FGD6: variants seen among roughly 807,000 people sequenced by gnomAD.
FGD6 encodes the protein FYVE, RhoGEF and PH domain containing 6, also known as FYVE, RhoGEF and PH domain-containing protein 6.
In FGD6, 90 loss-of-function variants were observed where a neutral mutation model predicts 149.4. The ratio of observed to expected loss-of-function variants is 0.60; its 90% CI spans 0.51 to 0.72. FGD6 has a LOEUF of 0.72. Ranked by LOEUF, FGD6 falls within the 30% of genes least tolerant of loss-of-function variation. The probability of loss-of-function intolerance (pLI) is 0.00; values close to 1 mark genes in which losing one functional copy is unlikely to be tolerated. For synonymous variants in FGD6, 527 were observed against 584.0 expected (o/e 0.90, Z 1.41); for missense variants, 1,437 against 1,684.8 (o/e 0.85, Z 2.57).
rs954055454 is a variant in FGD6, at chr12:95,113,301, C to T, written c.3133+350G>A. The stretch of plus-strand genomic sequence containing the variant: ...AGGCTGGAGTGCAGTGGCGCTATCT[C>T]GGCTCACTGCAACCTCCGCCTTCCG... On this transcript the variant is annotated intron_variant, in intron 9 of 20. Transcript: ENST00000343958. Among the ~76,000 whole-genome samples, 7 of 147,174 alleles carry T rather than the reference C, an allele frequency of 4.8e-5. No homozygotes were observed. The East Asian group carries it at 5.9e-4, about 13-fold the overall frequency.
rs747470623 is a variant in FGD6, at chr12:95,127,593, G to A, written c.3082+7146C>T. On this transcript the variant is annotated intron_variant, in intron 8 of 20. Transcript: ENST00000343958. Reference sequence around the variant, plus strand: ...TTTAATTGTGATCTTTTTTATATGCGCTTGTTAGCCTGTACATAGCTCAAA... The same window carrying A: ...TTTAATTGTGATCTTTTTTATATGCACTTGTTAGCCTGTACATAGCTCAAA... Among the ~76,000 whole-genome samples, 48 of 152,168 alleles carry A rather than the reference G, an allele frequency of 3.2e-4. 1 individual carries two copies. The highest frequency in any genetic ancestry group is 5.3e-4 in the Non-Finnish European group (36 of 68,006).
chr12:95,213,511 T>C (rs1414892278), intron 1 of FGD6, among the ~76,000 whole-genome samples: 2 of 152,250 alleles, frequency 1.3e-5, no homozygotes, highest in African/African-American at 4.8e-5. Flanking sequence ...CACTTAAAAA[T>C]GAGTAAGACG....
intron 3 of FGD6, among the ~76,000 whole-genome samples, chr12:95,165,483 A>C (rs1880782302): frequency 6.6e-6 from 1 of 151,384 alleles, no homozygotes; most frequent in African/African-American, 2.4e-5. Context: ...ACAGGCATGC[A>C]CCACCACGCC....
chr12:95,144,652 A>C (rs886165183), intron 5 of FGD6, among the ~76,000 whole-genome samples: 3 of 151,768 alleles, frequency 2.0e-5, no homozygotes, highest in Admixed American at 1.3e-4. Context: ...TCGGCCTCCC[A>C]AAGTGCTGGG....
intron 9 of FGD6, among the ~76,000 whole-genome samples, chr12:95,111,408 A>T (rs1049517724): frequency 1.3e-5 from 2 of 152,088 alleles, no homozygotes; most frequent in Non-Finnish European, 2.9e-5. Context: ...TCTGACCCTG[A>T]ATTTGTTTTA....
chr12:95,173,336 C>T (rs1435442252), intron 2 of FGD6, among the ~76,000 whole-genome samples: 1 of 152,180 alleles, frequency 6.6e-6, no homozygotes, highest in African/African-American at 2.4e-5. Flanking sequence ...TGCATTAGAA[C>T]TACGAGGGGC....
rs904537742 is a variant in FGD6, at chr12:95,152,698, T to C, written c.2685+113A>G. The stretch of plus-strand genomic sequence containing the variant: ...ATGTTATCTACATATATGAAATACA[T>C]ACATTTTAGAAAATGTCTATCATTA... On this transcript the variant is annotated intron_variant, in intron 5 of 20. Coordinates refer to ENST00000343958, the MANE Select transcript of FGD6 (RefSeq NM_018351.4). 8 of 921,962 alleles carry C rather than the reference T, an allele frequency of 8.7e-6. No homozygotes were observed. The South Asian group carries it at 9.7e-5, about 11-fold the overall frequency. The allele number at this position is 921,962 out of a possible 1,614,324, so 57.1% of individuals were successfully genotyped here.
At chr12:95,156,293 T>C (rs946813527) in intron 3 of FGD6, among the ~76,000 whole-genome samples, 1 of 152,194 alleles carries the variant, frequency 6.6e-6, no homozygotes, top group Admixed American at 6.5e-5. Context: ...GAATTCTTTT[T>C]CTCAGCAAGG....
intron 9 of FGD6, among the ~76,000 whole-genome samples, chr12:95,109,509 G>A (rs1878741800): frequency 6.6e-6 from 1 of 152,050 alleles, no homozygotes; most frequent in South Asian, 2.1e-4. Context: ...GTTAGAGAGG[G>A]AAGCATCTCC....
rs1296571005 is a variant in FGD6 at position 95,084,664 on chromosome 12, A to C, written c.4108-18T>G. 6.4e-7 allele frequency: 1 copy of C among 1,552,532 alleles called. No individual in the cohort carries two copies. Among genetic ancestry groups the C allele is most frequent in the Non-Finnish European group, 8.6e-7 (1 of 1,158,480 alleles). On this transcript the variant is annotated intron_variant, in intron 19 of 20. Coordinates refer to ENST00000343958, the MANE Select transcript of FGD6 (RefSeq NM_018351.4). ...GCCACGTCCTAATTTAAAAACATAC[A>C]AATGGAGAAAAGTTTTTAGATTGAG...
intron 2 of FGD6, among the ~76,000 whole-genome samples, chr12:95,179,934 C>T (rs1881232201): frequency 2.0e-5 from 3 of 151,966 alleles, no homozygotes; most frequent in African/African-American, 7.3e-5. Context: ...CAAAATTAGC[C>T]AGGCGTGGTG....
chr12:95,171,143 A>G (rs956777539), intron 3 of FGD6, among the ~76,000 whole-genome samples: 1 of 152,152 alleles, frequency 6.6e-6, no homozygotes, highest in African/African-American at 2.4e-5. Context: ...TTAGTCCCAA[A>G]AGGTTAAATA....
chr12:95,106,129 G>A (rs1030691381), intron 13 of FGD6, among the ~76,000 whole-genome samples: 1 of 151,846 alleles, frequency 6.6e-6, no homozygotes, highest in East Asian at 1.9e-4. Context: ...ATTTGTTGTT[G>A]TTATTATTTT....
chr12:95,149,462 T>C (rs1880227046), intron 5 of FGD6, among the ~76,000 whole-genome samples: 2 of 133,150 alleles, frequency 1.5e-5, no homozygotes, highest in South Asian at 4.3e-4. Context: ...TAGTATATTA[T>C]ACATCACATA....
intron 17 of FGD6, among the ~76,000 whole-genome samples, chr12:95,090,305 G>A (rs1488798107): frequency 6.6e-6 from 1 of 152,088 alleles, no homozygotes; most frequent in East Asian, 1.9e-4. Context: ...TTAAAAAAAA[G>A]GGGCTGGTTT....
At chr12:95,175,776 G>A (rs1442392308) in intron 2 of FGD6, among the ~76,000 whole-genome samples, 3 of 147,160 alleles carry the variant, frequency 2.0e-5, no homozygotes, top group African/African-American at 5.1e-5. Flanking sequence ...CTCCAGCCTG[G>A]GTAACAGAGT....
intron 5 of FGD6, among the ~76,000 whole-genome samples, chr12:95,144,683 C>T (rs1282566079): frequency 3.3e-5 from 5 of 151,578 alleles, no homozygotes; most frequent in Non-Finnish European, 5.9e-5. Context: ...TGAGCCACGG[C>T]GCCCAGCTTA....
At chr12:95,127,898 A>G (rs1879394968) in intron 8 of FGD6, among the ~76,000 whole-genome samples, 1 of 152,212 alleles carries the variant, frequency 6.6e-6, no homozygotes, top group African/African-American at 2.4e-5. Context: ...AAATTCCTGT[A>G]TCTTATATTT....
At chr12:95,100,880 T>C (rs1592831035) in intron 14 of FGD6, 1 of 385,778 alleles carries the variant, frequency 2.6e-6, no homozygotes, top group Non-Finnish European at 5.0e-6. Flanking sequence ...GAAAAGGGAA[T>C]GGGTGTCAGA....
Sources: allele counts gnomAD v4.1 joint callset (sites outside exome capture counted in the v4.1 genomes callset), GRCh38; gene constraint gnomAD v4.1.1; transcripts MANE v1.5; gene names NCBI Gene and HGNC (gene_info 2026-07-23, HGNC 2026-07-21).